PPP3CC: variants seen among roughly 807,000 people sequenced by gnomAD.
PPP3CC encodes the protein protein phosphatase 3 catalytic subunit gamma, also known as serine/threonine-protein phosphatase 2B catalytic subunit gamma isoform.
In PPP3CC, 35 loss-of-function variants were observed where a neutral mutation model predicts 60.3. The ratio of observed to expected loss-of-function variants is 0.58; its 90% CI spans 0.44 to 0.77. The LOEUF is 0.77. Ranked by LOEUF, PPP3CC falls within the 30% of genes least tolerant of loss-of-function variation. PPP3CC has a pLI of 0.00. For synonymous variants in PPP3CC, 206 were observed against 224.3 expected, an observed-to-expected ratio of 0.92 and a Z score of 0.73; for missense variants, 570 against 628.9, an observed-to-expected ratio of 0.91 and a Z score of 1.00.
intron 1 of PPP3CC, among the ~76,000 whole-genome samples, chr8:22,447,433 C>T (rs572370098): frequency 1.2e-4 from 18 of 151,966 alleles, no homozygotes; most frequent in African/African-American, 4.4e-4. Flanking sequence ...CCGCCCGTCT[C>T]GGCCTCCCAA....
chr8:22,523,761 G>A, intron 8 of PPP3CC: 1 of 438,490 alleles, frequency 2.3e-6, no homozygotes. Context: ...AATAAGGTGA[G>A]TGATCAAGCT....
chr8:22,469,405 G>C (rs1448528501), intron 1 of PPP3CC, among the ~76,000 whole-genome samples: 1 of 152,108 alleles, frequency 6.6e-6, no homozygotes, highest in Non-Finnish European at 1.5e-5. Flanking sequence ...TAAGATAGGA[G>C]TAGATTCAAT....
intron 8 of PPP3CC, among the ~76,000 whole-genome samples, chr8:22,526,619 A>T (rs1254230510): frequency 6.6e-6 from 1 of 152,208 alleles, no homozygotes; most frequent in Non-Finnish European, 1.5e-5. Context: ...GAACTGTTAC[A>T]CCCTGTTTTA....
At chr8:22,519,938 G>C (rs201386141) in intron 6 of PPP3CC, among the ~76,000 whole-genome samples, 1 of 152,012 alleles carries the variant, frequency 6.6e-6, no homozygotes, top group Non-Finnish European at 1.5e-5. Context: ...TTACAGGCAC[G>C]AGCCACTGTG....
chr8:22,514,540 GAT>G (rs1839188018), intron 6 of PPP3CC, among the ~76,000 whole-genome samples: 1 of 151,698 alleles, frequency 6.6e-6, no homozygotes, highest in Non-Finnish European at 1.5e-5. Flanking sequence ...GGTTATATGA[GAT>G]ATTTTGATAT....
intron 4 of PPP3CC, among the ~76,000 whole-genome samples, chr8:22,506,497 A>G (rs1201800770): frequency 6.6e-6 from 1 of 152,252 alleles, no homozygotes; most frequent in African/African-American, 2.4e-5. Flanking sequence ...TGTAAAAACC[A>G]AAAGGATGTT....
At chr8:22,479,225 T>C (rs1276109751) in intron 3 of PPP3CC, among the ~76,000 whole-genome samples, 3 of 151,702 alleles carry the variant, frequency 2.0e-5, no homozygotes, top group Non-Finnish European at 4.4e-5. Flanking sequence ...AAATTTTTTG[T>C]TATAAATAAT....
intron 4 of PPP3CC, among the ~76,000 whole-genome samples, chr8:22,499,545 C>T (rs1289176463): frequency 6.6e-6 from 1 of 152,122 alleles, no homozygotes; most frequent in Non-Finnish European, 1.5e-5. Context: ...TCCCTTCAGC[C>T]CAGGAGTTCT....
chr8:22,507,663 A>C (rs1838963095), intron 4 of PPP3CC, among the ~76,000 whole-genome samples: 1 of 152,240 alleles, frequency 6.6e-6, no homozygotes, highest in Non-Finnish European at 1.5e-5. Context: ...CACAGTATGT[A>C]CTAAGTGCCA....
intron 3 of PPP3CC, among the ~76,000 whole-genome samples, chr8:22,484,023 A>AT (rs1165428128): frequency 6.6e-6 from 1 of 150,384 alleles, no homozygotes; most frequent in Non-Finnish European, 1.5e-5. Context: ...TTTTTTTTTA[A>AT]TTTTTTTAGA....
chr8:22,489,105 TAGA>T (rs1838305193), intron 3 of PPP3CC, among the ~76,000 whole-genome samples: 1 of 152,056 alleles, frequency 6.6e-6, no homozygotes, highest in South Asian at 2.1e-4. Flanking sequence ...CTTTGGCTGT[TAGA>T]AGGTCAGTTG....
intron 1 of PPP3CC, among the ~76,000 whole-genome samples, chr8:22,468,720 G>A (rs2132457920): frequency 6.6e-6 from 1 of 152,282 alleles, no homozygotes; most frequent in Non-Finnish European, 1.5e-5. Context: ...AATGGACTCT[G>A]ATTTAAAGGT....
In PPP3CC at chr8:22,527,261, C is replaced by T. The variant is rs1839582358; in HGVS notation, c.944-131C>T. 1.6e-5 allele frequency: 16 copies of T among 1,002,272 alleles called. No individual in the cohort carries two copies. The South Asian group carries it at 2.6e-4, about 16-fold the overall frequency. 62.1% of individuals were successfully genotyped at this position (1,002,272 alleles called of 1,614,324 possible). Reference sequence around the variant, plus strand: ...TTTAAAATTTTCCATCTGCCCTTTACCTAGTCAAGTCCTGACTTTACAAAT... The same window carrying T: ...TTTAAAATTTTCCATCTGCCCTTTATCTAGTCAAGTCCTGACTTTACAAAT... On this transcript the variant is annotated intron_variant, in intron 8 of 13. Coordinates refer to ENST00000240139, the MANE Select transcript of PPP3CC (RefSeq NM_005605.5).
At chr8:22,445,676 C>A (rs1203004371) in intron 1 of PPP3CC, among the ~76,000 whole-genome samples, 2 of 152,046 alleles carry the variant, frequency 1.3e-5, no homozygotes. Flanking sequence ...TATTTTGGTT[C>A]TTTATATTTT....
At chr8:22,529,063 T>A (rs893672481) in intron 10 of PPP3CC, among the ~76,000 whole-genome samples, 2 of 152,228 alleles carry the variant, frequency 1.3e-5, no homozygotes, top group Admixed American at 1.3e-4. Flanking sequence ...CCAAGTACTG[T>A]ATTGTTTAGG....
At chr8:22,456,916 A>G in intron 1 of PPP3CC, among the ~76,000 whole-genome samples, 1 of 152,156 alleles carries the variant, frequency 6.6e-6, no homozygotes, top group East Asian at 1.9e-4. Flanking sequence ...GTAAAAAGCT[A>G]GATTTGGGAA....
intron 1 of PPP3CC, among the ~76,000 whole-genome samples, chr8:22,458,137 A>G (rs1837263583): frequency 6.6e-6 from 1 of 152,162 alleles, no homozygotes; most frequent in Non-Finnish European, 1.5e-5. Flanking sequence ...AACAACTTGT[A>G]TATTTCACAC....
intron 10 of PPP3CC, among the ~76,000 whole-genome samples, chr8:22,529,926 T>C (rs892770593): frequency 1.2e-4 from 19 of 152,316 alleles, no homozygotes; most frequent in African/African-American, 4.1e-4. Context: ...TGTCTGACAA[T>C]GCAAGAGATT....
In PPP3CC at chr8:22,532,944, C is replaced by G. The variant is rs1839756027; in HGVS notation, c.1247C>G (p.Thr416Ser). Residue 416 changes from threonine (T) to serine (S), a missense_variant, in exon 12 of 14, where the codon ACT becomes AGT. By Grantham distance (58) the Thr-to-Ser change is moderately conservative (BLOSUM62 1). Coordinates refer to ENST00000240139, the MANE Select transcript of PPP3CC (RefSeq NM_005605.5). The part of the protein sequence containing the change: ...ILRQESESVL[T>S]LKGLTPTGTL... ...AGGCAAGAAAGTGAGAGTGTGCTGA[C>G]TCTCAAGGGCCTGACTCCCACAGGC... The G allele has an allele frequency of 6.2e-7, 1 of 1,601,706 alleles. No homozygotes were observed. Among genetic ancestry groups the G allele is most frequent in the African/African-American group, 1.3e-5 (1 of 74,098 alleles).
Sources: gnomAD v4.1 joint callset for allele counts (sites outside exome capture counted in the v4.1 genomes callset) on GRCh38, gnomAD v4.1.1 for gene constraint, MANE v1.5 for transcripts, NCBI Gene and HGNC (gene_info 2026-07-23, HGNC 2026-07-21) for gene names.